The following FGD6 variants were observed in gnomAD, a reference collection of about 807,000 sequenced individuals.
The protein encoded by FGD6 is FYVE, RhoGEF and PH domain-containing protein 6.
In FGD6, 90 loss-of-function variants were observed where a neutral mutation model predicts 149.4. The ratio of observed to expected loss-of-function variants is 0.60; its 90% CI spans 0.51 to 0.72. The LOEUF (loss-of-function observed/expected upper bound fraction) is 0.72, where lower values mean the gene tolerates loss of function less well. Ranked by LOEUF, FGD6 falls within the 30% of genes least tolerant of loss-of-function variation. The probability of loss-of-function intolerance (pLI) is 0.00; values close to 1 mark genes in which losing one functional copy is unlikely to be tolerated. For missense variants in FGD6, 1,437 were observed against 1,684.8 expected (o/e 0.85, Z 2.57); for synonymous variants, 527 against 584.0 (o/e 0.90, Z 1.41).
Position 95,134,822 on chromosome 12 carries a change from C to T in FGD6, c.2999G>A (p.Ser1000Asn). Reference protein sequence around the residue: ...FAAVVREFEMSPRCANLALKH... With the variant: ...FAAVVREFEMNPRCANLALKH... Reference sequence around the variant, plus strand: ...GAGGGCCAGATTAGCACAGCGAGGGCTCATCTGAAAGGAGAAGGCATCTAA... The same window carrying T: ...GAGGGCCAGATTAGCACAGCGAGGGTTCATCTGAAAGGAGAAGGCATCTAA... The change falls in exon 8 of 21, where the codon AGC becomes AAC. Residue 1000 changes from serine (S) to asparagine (N), a missense_variant. By Grantham distance (46) the Ser-to-Asn change is conservative. Coordinates refer to ENST00000343958, the MANE Select transcript of FGD6 (RefSeq NM_018351.4). 6.2e-7 allele frequency: 1 copy of T among 1,612,034 alleles called. No homozygotes were observed. The highest frequency in any genetic ancestry group is 8.5e-7 in the Non-Finnish European group (1 of 1,179,114).
At chr12:95,148,547 T>TTATATTATATATTATATAATATATAGCA (rs1565908112) in intron 5 of FGD6, among the ~76,000 whole-genome samples, 71 of 82,296 alleles carry the variant, frequency 8.6e-4, no homozygotes, top group Admixed American at 1.4e-3. Context: ...ATAGCATATA[T>TTATATTATATATTATATAATATATAGCA]TATATTATAT....
At position 95,079,650 on chromosome 12, in the gene FGD6, A is replaced by C. The variant is rs773344595; in HGVS notation, c.*1870T>G. ...TTGATTATATAAAATTGAGCTACAAAGAAATTTTAGTGTACCTGCTATGAC... is the reference window on the plus strand; with the variant it reads ...TTGATTATATAAAATTGAGCTACAACGAAATTTTAGTGTACCTGCTATGAC... On this transcript the variant is annotated 3_prime_UTR_variant, in exon 21 of 21. Transcript: ENST00000343958. The C allele has an allele frequency of 6.6e-6, 1 of 152,232 alleles. No homozygotes were observed. The highest frequency in any genetic ancestry group is 1.5e-5 in the Non-Finnish European group (1 of 68,042). The allele number at this position is 152,232 out of a possible 1,614,324, so 9.4% of individuals were successfully genotyped here. A position where few individuals can be genotyped will look rare whatever the true frequency, so the allele number is the denominator to read the frequency against.
At chr12:95,153,193 A>G (rs1880361584) in intron 3 of FGD6, among the ~76,000 whole-genome samples, 200 bp from the exon 4 acceptor site, 2 of 152,364 alleles carry the variant, frequency 1.3e-5, no homozygotes, top group South Asian at 2.1e-4. Context: ...GAGAGCAATC[A>G]GTAATCTTCA....
intron 8 of FGD6, among the ~76,000 whole-genome samples, chr12:95,114,442 CTACACA>C (rs1878939959): frequency 1.2e-5 from 1 of 83,336 alleles, no homozygotes; most frequent in African/African-American, 4.9e-5. Context: ...CCCATCTCTA[CTACACA>C]CACACACACA....
At chr12:95,208,206 C>T (rs768250116) in intron 2 of FGD6, among the ~76,000 whole-genome samples, 1 of 151,970 alleles carries the variant, frequency 6.6e-6, no homozygotes, top group Non-Finnish European at 1.5e-5. Flanking sequence ...AAGCCATGAT[C>T]ATACCACTGC....
At chr12:95,140,649 A>G (rs7953945) in intron 6 of FGD6, among the ~76,000 whole-genome samples, 3,758 of 152,198 alleles carry the variant, frequency 0.025, 140 homozygotes, top group African/African-American at 0.086. Flanking sequence ...TTCCAAAACA[A>G]CCATCCTATT....
intron 3 of FGD6, among the ~76,000 whole-genome samples, chr12:95,164,065 G>A (rs926645856): frequency 6.6e-6 from 1 of 152,076 alleles, no homozygotes; most frequent in African/African-American, 2.4e-5. Context: ...AAATAACAGC[G>A]TCTCCCAAAA....
chr12:95,149,316 AGC>A (rs1189298624), intron 5 of FGD6, among the ~76,000 whole-genome samples: 28 of 95,048 alleles, frequency 2.9e-4, no homozygotes, highest in South Asian at 2.0e-3. Flanking sequence ...TATATTATAT[AGC>A]ATATATTATA....
At chr12:95,141,257 T>C (rs1879833097) in intron 6 of FGD6, 131 bp downstream of exon 6, 3 of 967,870 alleles carry the variant, frequency 3.1e-6, no homozygotes, top group Non-Finnish European at 4.5e-6. Context: ...AATCAATCTA[T>C]GGATAACTGC....
At chr12:95,091,620 T>G (rs1878055665) in intron 17 of FGD6, 87 bp downstream of exon 17, 4 of 751,362 alleles carry the variant, frequency 5.3e-6, no homozygotes, top group Non-Finnish European at 8.7e-6. Flanking sequence ...ATATTGCTAA[T>G]GTACCGAAGG....
At chr12:95,130,913 C>CT (rs1879501030) in intron 8 of FGD6, among the ~76,000 whole-genome samples, 1 of 151,990 alleles carries the variant, frequency 6.6e-6, no homozygotes, top group Admixed American at 6.6e-5. Context: ...AAAAGCAAAT[C>CT]TTTAGTATTG....
chr12:95,175,816 A>AAAAGAAAAAAAAAAAAAAAAAAAAG (rs1565916352), intron 2 of FGD6, among the ~76,000 whole-genome samples: 2 of 137,532 alleles, frequency 1.5e-5, no homozygotes, highest in Admixed American at 7.4e-5. Flanking sequence ...AAAAAAAAAA[A>AAAAGAAAAAAAAAAAAAAAAAAAAG]AAAGAAAAAA....
intron 9 of FGD6, 86 bp downstream of exon 9, chr12:95,113,565 G>A: frequency 9.4e-7 from 1 of 1,065,056 alleles, no homozygotes; most frequent in Non-Finnish European, 1.4e-6. Context: ...GTTTGTAATG[G>A]ATTTTGTTAT....
At chr12:95,121,347 C>T (rs944453311) in intron 8 of FGD6, among the ~76,000 whole-genome samples, 12 of 150,250 alleles carry the variant, frequency 8.0e-5, no homozygotes, top group East Asian at 2.0e-4. Context: ...AGGCTGAGGC[C>T]GGAGAATCAC....
chr12:95,108,441 C>T, intron 10 of FGD6, 22 bp from the exon 11 acceptor site: 1 of 1,613,934 alleles, frequency 6.2e-7, no homozygotes, highest in Non-Finnish European at 8.5e-7. Flanking sequence ...CAATGGAAAG[C>T]ATATGAAGGC....
rs1881428152 is a variant in FGD6 at position 95,186,225 on chromosome 12, C to CTTTTTTTTTTTTTTTTTTTTTTTTTTTT, written c.2442-13482_2442-13481insAAAAAAAAAAAAAAAAAAAAAAAAAAAA. Reference sequence around the variant, plus strand: ...AGCTAAGAATGCTTCTTATATTCTTCTTCTTTTTTTTTTTTTTTTTTTTTT... The same window carrying CTTTTTTTTTTTTTTTTTTTTTTTTTTTT: ...AGCTAAGAATGCTTCTTATATTCTTCTTTTTTTTTTTTTTTTTTTTTTTTTTTTTTCTTTTTTTTTTTTTTTTTTTTTT... On this transcript the variant is annotated intron_variant, in intron 2 of 20. Coordinates refer to ENST00000343958, the MANE Select transcript of FGD6 (RefSeq NM_018351.4). 4.2e-5 allele frequency among the ~76,000 whole-genome samples: 3 copies of CTTTTTTTTTTTTTTTTTTTTTTTTTTTT among 71,200 alleles called. 1 individual carries two copies. Among genetic ancestry groups the CTTTTTTTTTTTTTTTTTTTTTTTTTTTT allele is most frequent in the East Asian group, 9.6e-4 (2 of 2,078 alleles). 46.7% of individuals were successfully genotyped at this position (71,200 alleles called of 152,430 possible).
intron 3 of FGD6, among the ~76,000 whole-genome samples, chr12:95,157,558 C>A (rs1880508655): frequency 1.1e-5 from 1 of 87,236 alleles, no homozygotes; most frequent in South Asian, 4.7e-4. Context: ...AAGAGCAAAA[C>A]TCTGTCTCAA....
intron 2 of FGD6, among the ~76,000 whole-genome samples, chr12:95,179,469 C>T (rs545303557): frequency 6.6e-6 from 1 of 152,096 alleles, no homozygotes; most frequent in Non-Finnish European, 1.5e-5. Flanking sequence ...TATGACCTTG[C>T]ACTCCAGCAG....
chr12:95,094,563 GAAAAA>G, intron 15 of FGD6, 24 bp downstream of exon 15: 8 of 1,272,296 alleles, frequency 6.3e-6, no homozygotes, highest in South Asian at 1.4e-5. Flanking sequence ...AAATGCACTG[GAAAAA>G]AAAAAAAAAG....
Sources: gnomAD v4.1 joint callset for allele counts (sites outside exome capture counted in the v4.1 genomes callset) on GRCh38, gnomAD v4.1.1 for gene constraint, MANE v1.5 for transcripts, NCBI Gene and HGNC (gene_info 2026-07-23, HGNC 2026-07-21) for gene names.